The following TRAK2 variants were observed in gnomAD, a reference collection of about 807,000 sequenced individuals.
TRAK2 encodes the protein trafficking kinesin-binding protein 2.
Under a neutral mutation model 104.6 loss-of-function variants are expected in TRAK2, and 81 were observed. That is an observed-to-expected ratio of 0.77 (90% CI 0.65 to 0.93). The LOEUF (loss-of-function observed/expected upper bound fraction) is 0.93. Among genes scored for constraint, TRAK2 ranks in the 40% least tolerant of loss-of-function variants. TRAK2 has a pLI of 0.00. For missense variants in TRAK2, 1,002 were observed against 1,089.0 expected, an observed-to-expected ratio of 0.92 and a Z score of 1.12; for synonymous variants, 406 against 394.4, an observed-to-expected ratio of 1.03 and a Z score of -0.35.
At chr2:201,429,444 T>C (rs1436081550) in intron 1 of TRAK2, among the ~76,000 whole-genome samples, 1 of 152,220 alleles carries the variant, frequency 6.6e-6, no homozygotes, top group Admixed American at 6.5e-5. Context: ...CTGGATAATA[T>C]CCTGAAGAGT....
Position 201,386,440 on chromosome 2 carries a change from A to C in TRAK2, c.1741T>G (p.Leu581Val). The C allele has an allele frequency of 6.2e-7, 1 of 1,614,184 alleles. No homozygotes were observed. The highest frequency in any genetic ancestry group is 8.5e-7 in the Non-Finnish European group (1 of 1,180,010). ...YHWQQLAQPN[L>V]GTILDPRPGV... is the part of the protein sequence containing the mutation. Reference sequence around the variant, plus strand: ...GGTCGTGGATCAAGGATGGTTCCCAAGTTTGGTTGAGCAAGCTGCTGCCAG... The same window carrying C: ...GGTCGTGGATCAAGGATGGTTCCCACGTTTGGTTGAGCAAGCTGCTGCCAG... Residue 581 changes from leucine to valine, a missense_variant, in exon 14 of 16, where the codon TTG (leucine) becomes GTG (valine). Coordinates refer to ENST00000332624, the MANE Select transcript of TRAK2 (RefSeq NM_015049.3).
chr2:201,386,603 G>T, intron 13 of TRAK2, 119 bp from the exon 14 acceptor site: 1 of 1,322,474 alleles, frequency 7.6e-7, no homozygotes, highest in Non-Finnish European at 1.0e-6. Context: ...CTATTTATTT[G>T]GTGTTAATAA....
At chr2:201,408,274 A>G (rs1951613983) in intron 2 of TRAK2, among the ~76,000 whole-genome samples, 1 of 152,080 alleles carries the variant, frequency 6.6e-6, no homozygotes, top group African/African-American at 2.4e-5. Flanking sequence ...ATCTAAATAT[A>G]TTGCTTAGTG....
At chr2:201,409,415 G>T (rs1021406094) in intron 2 of TRAK2, among the ~76,000 whole-genome samples, 3 of 152,028 alleles carry the variant, frequency 2.0e-5, no homozygotes, top group Non-Finnish European at 4.4e-5. Flanking sequence ...TGCAACCTCA[G>T]AAGTTTGAAT....
chr2:201,398,486 A>G (rs756855629), intron 5 of TRAK2, 132 bp from the exon 6 acceptor site: 11 of 785,920 alleles, frequency 1.4e-5, no homozygotes, highest in Admixed American at 8.4e-5. Context: ...GGTTTTACTG[A>G]CTAACGCAAC....
chr2:201,416,619 A>G (rs1242748659), intron 2 of TRAK2, among the ~76,000 whole-genome samples: 4 of 152,184 alleles, frequency 2.6e-5, no homozygotes, highest in Admixed American at 2.6e-4. Context: ...TAGCAATTTA[A>G]AGCAAAGGTA....
intron 1 of TRAK2, among the ~76,000 whole-genome samples, chr2:201,431,889 G>A (rs1427186280): frequency 6.6e-6 from 1 of 152,120 alleles, no homozygotes; most frequent in Non-Finnish European, 1.5e-5. Context: ...CCTAATAACA[G>A]GATCTACTTT....
chr2:201,449,081 T>C (rs891256549), intron 1 of TRAK2, among the ~76,000 whole-genome samples: 1 of 152,176 alleles, frequency 6.6e-6, no homozygotes, highest in African/African-American at 2.4e-5. Context: ...ATAAGTGAGA[T>C]GGATTTGGAA....
intron 2 of TRAK2, among the ~76,000 whole-genome samples, chr2:201,417,033 T>C (rs1951697559): frequency 1.3e-5 from 2 of 151,452 alleles, no homozygotes; most frequent in Admixed American, 1.3e-4. Flanking sequence ...AAAGACCCCA[T>C]TATAAGTTAT....
chr2:201,395,226 T>C, intron 8 of TRAK2, 88 bp downstream of exon 8: 1 of 1,155,916 alleles, frequency 8.7e-7, no homozygotes, highest in East Asian at 2.4e-5. Flanking sequence ...ACAATGTTTA[T>C]TTTGTTTATT....
In TRAK2 at chr2:201,386,419, G is replaced by A. The variant is rs1951391738; in HGVS notation, c.1762C>T (p.Arg588Ter). 2.5e-6 allele frequency: 4 copies of A among 1,614,198 alleles called. No individual in the cohort carries two copies. Among genetic ancestry groups the A allele is most frequent in the Non-Finnish European group, 3.4e-6 (4 of 1,180,026 alleles). The part of the protein sequence containing the change: ...QPNLGTILDP[R>*]PGVITKGFTQ... ...AAGCCTTTAGTAATGACACCTGGTC[G>A]TGGATCAAGGATGGTTCCCAAGTTT... The change falls in exon 14 of 16, where the codon CGA becomes TGA. Residue 588 changes from arginine to a stop codon, truncating the protein, a stop_gained. Transcript: ENST00000332624. LOFTEE classifies it high-confidence loss of function.
chr2:201,437,779 C>CG (rs1368094545), intron 1 of TRAK2, among the ~76,000 whole-genome samples: 1 of 152,192 alleles, frequency 6.6e-6, no homozygotes, highest in East Asian at 1.9e-4. Flanking sequence ...GCTCTTAGAA[C>CG]GCATACTGCT....
intron 15 of TRAK2, among the ~76,000 whole-genome samples, chr2:201,381,915 C>T (rs1488258810): frequency 2.0e-5 from 3 of 152,084 alleles, no homozygotes; most frequent in Non-Finnish European, 2.9e-5. Flanking sequence ...CTAATAGCTT[C>T]GACAACTATT....
intron 14 of TRAK2, 33 bp downstream of exon 14, chr2:201,386,185 A>G (rs1225508499): frequency 3.1e-6 from 5 of 1,610,734 alleles, no homozygotes; most frequent in Middle Eastern, 1.6e-4. Flanking sequence ...ACTTCTGGTT[A>G]TTATACCATA....
intron 1 of TRAK2, among the ~76,000 whole-genome samples, chr2:201,429,927 A>T (rs1453294463): frequency 5.3e-5 from 8 of 152,068 alleles, no homozygotes; most frequent in African/African-American, 1.7e-4. Flanking sequence ...AGATTTTTGG[A>T]ATTTTCAGCT....
intron 1 of TRAK2, among the ~76,000 whole-genome samples, chr2:201,439,006 T>C (rs1003060312): frequency 2.0e-5 from 3 of 152,184 alleles, no homozygotes; most frequent in Non-Finnish European, 4.4e-5. Context: ...CTGCTAAAAG[T>C]AGTAAATGGA....
At chr2:201,416,619 A>T (rs1242748659) in intron 2 of TRAK2, among the ~76,000 whole-genome samples, 1 of 152,184 alleles carries the variant, frequency 6.6e-6, no homozygotes, top group Non-Finnish European at 1.5e-5. Flanking sequence ...TAGCAATTTA[A>T]AGCAAAGGTA....
intron 2 of TRAK2, chr2:201,412,144 AAC>A (rs1444137620): frequency 1.0e-6 from 1 of 1,004,628 alleles, no homozygotes; most frequent in Non-Finnish European, 1.6e-6. Flanking sequence ...CGATCAGTAG[AAC>A]ACTGGGCAAA....
At chr2:201,405,156 A>G (rs770778237) in intron 3 of TRAK2, among the ~76,000 whole-genome samples, 22 of 152,174 alleles carry the variant, frequency 1.4e-4, no homozygotes, top group Non-Finnish European at 3.1e-4. Flanking sequence ...CGAAGGAGAG[A>G]GCTTATCTAA....
Sources: allele counts gnomAD v4.1 joint callset (sites outside exome capture counted in the v4.1 genomes callset), GRCh38; gene constraint gnomAD v4.1.1; transcripts MANE v1.5; gene names NCBI Gene and HGNC (gene_info 2026-07-23, HGNC 2026-07-21).